IQCK: variants seen among roughly 807,000 people sequenced by gnomAD.
The protein encoded by IQCK is IQ motif containing K.
IQCK carries 29 observed loss-of-function variants against 28.1 expected under a neutral mutation model. That is an observed-to-expected ratio of 1.03 (90% confidence interval 0.77 to 1.41). The LOEUF (loss-of-function observed/expected upper bound fraction) is 1.41. Ranked by LOEUF, IQCK falls within the 40% of genes most tolerant of loss-of-function variation. IQCK has a pLI of 0.00. For missense variants in IQCK, 359 were observed against 314.7 expected, an observed-to-expected ratio of 1.14 and a Z score of -1.07; for synonymous variants, 113 against 115.1, an observed-to-expected ratio of 0.98 and a Z score of 0.12.
chr16:19,751,697 T>C (rs867803782), intron 4 of IQCK, among the ~76,000 whole-genome samples: 5 of 151,602 alleles, frequency 3.3e-5, no homozygotes, highest in African/African-American at 9.7e-5. Context: ...TTGGCATGCC[T>C]TCTCCAAGCA....
At chr16:19,730,054 CA>C (rs1249069172) in intron 1 of IQCK, among the ~76,000 whole-genome samples, 1 of 151,922 alleles carries the variant, frequency 6.6e-6, no homozygotes, top group Non-Finnish European at 1.5e-5. Flanking sequence ...CTCCCGGGTT[CA>C]AGCAATTCTC....
rs369102963 is a variant in IQCK, at chr16:19,825,692, A to G, written c.691-1334A>G. Among the ~76,000 whole-genome samples the G allele has an allele frequency of 6.6e-6, 1 of 152,206 alleles. No individual in the cohort carries two copies. On this transcript the variant is annotated intron_variant, in intron 7 of 7. Transcript: ENST00000564186. This position sits in a 1 kb window ranked among gnomAD's most constrained non-coding sequence, Gnocchi z 4.2. ...TAAAAAATGAAATAAAATTTGTAAGATACTTCAAACCATGCCTGGGAGATA... is the reference window on the plus strand; with the variant it reads ...TAAAAAATGAAATAAAATTTGTAAGGTACTTCAAACCATGCCTGGGAGATA...
intron 9 of IQCK, among the ~76,000 whole-genome samples, chr16:19,836,729 C>A (rs144768836): frequency 1.4e-4 from 22 of 152,162 alleles, no homozygotes; most frequent in Non-Finnish European, 2.9e-4. Flanking sequence ...GGCCAGGATG[C>A]TCTTGATCTC....
intron 1 of IQCK, among the ~76,000 whole-genome samples, chr16:19,719,587 C>T (rs62024960): frequency 4.7e-5 from 7 of 148,916 alleles, no homozygotes; most frequent in African/African-American, 1.7e-4. Flanking sequence ...GAGACTCCAT[C>T]CCCAAAAAAA....
At chr16:19,742,056 G>A (rs1383188066) in intron 4 of IQCK, among the ~76,000 whole-genome samples, 1 of 152,146 alleles carries the variant, frequency 6.6e-6, no homozygotes, top group Non-Finnish European at 1.5e-5. Flanking sequence ...CAGGCACACG[G>A]GAGTTCAAAA....
intron 4 of IQCK, among the ~76,000 whole-genome samples, chr16:19,745,861 C>T (rs2054903837): frequency 1.3e-5 from 2 of 152,238 alleles, no homozygotes; most frequent in South Asian, 2.1e-4. Context: ...TGGGGCACTT[C>T]GGTTCTCCTT....
intron 6 of IQCK, among the ~76,000 whole-genome samples, chr16:19,768,077 T>G (rs1339913727): frequency 1.3e-5 from 2 of 150,658 alleles, no homozygotes; most frequent in African/African-American, 4.9e-5. Context: ...TAAGAGCTTA[T>G]CCATCCATAG....
exon 1 of IQCK, chr16:19,718,374 C>T (rs1378231196): frequency 1.9e-6 from 3 of 1,608,820 alleles, no homozygotes; most frequent in African/African-American, 1.3e-5. Flanking sequence ...ACAGACTCGT[C>T]GTTCACCCGG....
At chr16:19,777,546 G>A (rs2055412109) in intron 6 of IQCK, among the ~76,000 whole-genome samples, 1 of 152,172 alleles carries the variant, frequency 6.6e-6, no homozygotes, top group African/African-American at 2.4e-5. Context: ...GTCCCAAGAG[G>A]ATAGTAAATC....
intron 4 of IQCK, among the ~76,000 whole-genome samples, chr16:19,746,888 T>G (rs1244619381): frequency 1.3e-5 from 2 of 152,220 alleles, no homozygotes; most frequent in African/African-American, 4.8e-5. Flanking sequence ...AGGGGGAACA[T>G]TATCATTTGG....
chr16:19,751,439 C>T (rs1473067902), intron 4 of IQCK, among the ~76,000 whole-genome samples: 1 of 152,006 alleles, frequency 6.6e-6, no homozygotes, highest in East Asian at 1.9e-4. Context: ...GATCACACCA[C>T]TGCACTCCAG....
At chr16:19,752,515 C>T (rs2054999815) in intron 4 of IQCK, among the ~76,000 whole-genome samples, 2 of 152,096 alleles carry the variant, frequency 1.3e-5, no homozygotes, top group South Asian at 2.1e-4. Context: ...TGGCAGAAAA[C>T]CCCATTCAAA....
chr16:19,778,392 G>C (rs1441971577), intron 6 of IQCK, among the ~76,000 whole-genome samples: 4 of 151,796 alleles, frequency 2.6e-5, no homozygotes, highest in Non-Finnish European at 1.5e-5. Context: ...TTAAATTGTA[G>C]TGCCTGTAAT....
chr16:19,802,907 T>TGTTC (rs1486659825), intron 7 of IQCK, among the ~76,000 whole-genome samples: 2 of 152,218 alleles, frequency 1.3e-5, no homozygotes, highest in Admixed American at 1.3e-4. Flanking sequence ...AAGGGGTTCT[T>TGTTC]AACTCTGCTG....
chr16:19,818,947 A>G (rs2056026874), intron 7 of IQCK, among the ~76,000 whole-genome samples: 1 of 152,150 alleles, frequency 6.6e-6, no homozygotes. Flanking sequence ...CTGGGGTGGC[A>G]TTGGATCAAT....
At chr16:19,811,988 T>A (rs1244817740) in intron 7 of IQCK, among the ~76,000 whole-genome samples, 5 of 85,538 alleles carry the variant, frequency 5.8e-5, no homozygotes, top group African/African-American at 4.2e-4. Context: ...AGCCTTAATT[T>A]TTTTTTTTTT....
At chr16:19,733,645 C>G in intron 2 of IQCK, 53 bp from the exon 3 acceptor site, 1 of 1,599,004 alleles carries the variant, frequency 6.3e-7, no homozygotes, top group Non-Finnish European at 8.5e-7. Context: ...CCAGAAAATG[C>G]AATTATTTAA....
At chr16:19,754,623 AT>A (rs1567543805) in intron 4 of IQCK, among the ~76,000 whole-genome samples, 2 of 139,956 alleles carry the variant, frequency 1.4e-5, no homozygotes, top group Admixed American at 6.8e-5. Flanking sequence ...AAATTACAGA[AT>A]TTTTTTCTCT....
exon 1 of IQCK, chr16:19,718,311 C>G (rs984467903): frequency 6.2e-7 from 1 of 1,604,634 alleles, no homozygotes; most frequent in Non-Finnish European, 8.5e-7. Flanking sequence ...GCGGCCATGG[C>G]GGCACCGCGG....
Sources: gnomAD v4.1 joint callset for allele counts (sites outside exome capture counted in the v4.1 genomes callset) on GRCh38, gnomAD v4.1.1 for gene constraint, Gnocchi (gnomAD v3.1) non-coding constraint, MANE v1.5 for transcripts, NCBI Gene and HGNC (gene_info 2026-07-23, HGNC 2026-07-21) for gene names.